The following UBE2K variants were observed in gnomAD, a reference collection of about 807,000 sequenced individuals.
UBE2K encodes the protein ubiquitin-conjugating enzyme E2 K.
UBE2K carries 6 observed loss-of-function variants against 30.0 expected under a neutral mutation model. That is an observed-to-expected ratio of 0.20 (90% CI 0.11 to 0.39). The LOEUF (loss-of-function observed/expected upper bound fraction) is 0.39, where lower values mean the gene tolerates loss of function less well. Ranked by LOEUF, UBE2K falls within the 10% of genes least tolerant of loss-of-function variation. The pLI is 1.00. For missense variants in UBE2K, 61 were observed against 241.6 expected, an observed-to-expected ratio of 0.25 and a Z score of 4.96; for synonymous variants, 86 against 83.7, an observed-to-expected ratio of 1.03 and a Z score of -0.15.
At chr4:39,722,889 A>T (rs1719506805) in intron 1 of UBE2K, among the ~76,000 whole-genome samples, 1 of 149,088 alleles carries the variant, frequency 6.7e-6, no homozygotes, top group Admixed American at 6.8e-5. Flanking sequence ...TTCGCCTCCC[A>T]GGTTCAAGTG....
chr4:39,724,062 C>T (rs1374512131), intron 1 of UBE2K, among the ~76,000 whole-genome samples: 2 of 152,062 alleles, frequency 1.3e-5, no homozygotes, highest in Non-Finnish European at 2.9e-5. Flanking sequence ...ATCCACCCGC[C>T]TCAGCCTCCC....
intron 4 of UBE2K, among the ~76,000 whole-genome samples, chr4:39,771,716 G>T (rs1712880610): frequency 6.6e-6 from 1 of 152,166 alleles, no homozygotes; most frequent in South Asian, 2.1e-4. Flanking sequence ...TGGAGTTTCT[G>T]ATTCAGTAGC....
chr4:39,709,597 A>G (rs1013547690), intron 1 of UBE2K, among the ~76,000 whole-genome samples: 1 of 152,074 alleles, frequency 6.6e-6, no homozygotes, highest in Non-Finnish European at 1.5e-5. Flanking sequence ...TATGATATGT[A>G]TGTACGTATA....
intron 1 of UBE2K, among the ~76,000 whole-genome samples, chr4:39,728,818 G>GTTTTTTTTTTTT (rs150967559): frequency 7.7e-6 from 1 of 129,906 alleles, no homozygotes; most frequent in Admixed American, 7.7e-5. Context: ...GGTTTTTTTT[G>GTTTTTTTTTTTT]TTTTTTTTGT....
chr4:39,743,245 A>G (rs1013187088), intron 2 of UBE2K, among the ~76,000 whole-genome samples: 2 of 152,154 alleles, frequency 1.3e-5, no homozygotes, highest in Non-Finnish European at 2.9e-5. Flanking sequence ...AGAATTTTGA[A>G]GATAATGTTC....
Position 39,755,704 on chromosome 4 carries a change from A to G in UBE2K, c.264A>G (p.Thr88=). 5 of 1,596,806 alleles carry G rather than the reference A, an allele frequency of 3.1e-6. No individual in the cohort carries two copies. Among genetic ancestry groups the G allele is most frequent in the South Asian group, 2.3e-5 (2 of 86,676 alleles). Residue 88 remains threonine, a synonymous_variant, in exon 4 of 7, where the codon ACA becomes ACG. Coordinates refer to ENST00000261427, the MANE Select transcript of UBE2K (RefSeq NM_005339.5). ...GGCATCCTAATATTAGTTCCGTCAC[A>G]GGGGCTATTTGTTTGGATATCCTGA... is the stretch of plus-strand genomic sequence containing the variant. ...KIWHPNISSV[T]GAICLDILKD...
intron 4 of UBE2K, among the ~76,000 whole-genome samples, chr4:39,763,109 A>G (rs1393351305): frequency 1.3e-5 from 2 of 150,516 alleles, no homozygotes; most frequent in African/African-American, 4.9e-5. Context: ...TGCCCAGCTA[A>G]TATTTGTGTT....
chr4:39,707,616 G>C (rs1215953497), intron 1 of UBE2K, among the ~76,000 whole-genome samples: 1 of 151,388 alleles, frequency 6.6e-6, no homozygotes, highest in East Asian at 1.9e-4. Context: ...TGACCTCCTG[G>C]GTTCTAGCAG....
At chr4:39,771,054 C>G in intron 4 of UBE2K, 1 of 1,612,408 alleles carries the variant, frequency 6.2e-7, no homozygotes, top group East Asian at 2.2e-5. Flanking sequence ...CTATTTTGGG[C>G]TCAGTGAACT....
In UBE2K at chr4:39,778,820, T is replaced by G. The variant is rs1311994090; in HGVS notation, c.*386T>G. The stretch of plus-strand genomic sequence containing the variant: ...TCAGGGCCATTCAAATTGTTGGTGT[T>G]GCATCACAGCTACCTTAACTGTTTT... On this transcript the variant is annotated 3_prime_UTR_variant, in exon 7 of 7. Transcript: ENST00000261427. The G allele has an allele frequency of 1.3e-5, 2 of 156,990 alleles. No individual in the cohort carries two copies. The highest frequency in any genetic ancestry group is 1.3e-4 in the Admixed American group (2 of 15,754). The allele number at this position is 156,990 out of a possible 1,614,324, so 9.7% of individuals were successfully genotyped here.
intron 4 of UBE2K, among the ~76,000 whole-genome samples, chr4:39,762,977 C>T (rs1712063358): frequency 7.5e-6 from 1 of 133,518 alleles, no homozygotes; most frequent in Non-Finnish European, 1.6e-5. Context: ...GACTGTCGCC[C>T]AAGCTGGAGT....
chr4:39,725,311 C>G (rs1351921732), intron 1 of UBE2K, among the ~76,000 whole-genome samples: 2 of 132,550 alleles, frequency 1.5e-5, no homozygotes, highest in Admixed American at 9.2e-5. Flanking sequence ...ACCCGGGAGG[C>G]AGTTTGCAGT....
At chr4:39,747,385 A>G (rs1345391954) in intron 3 of UBE2K, among the ~76,000 whole-genome samples, 1 of 152,076 alleles carries the variant, frequency 6.6e-6, no homozygotes, top group Non-Finnish European at 1.5e-5. Context: ...TCTGGTAACC[A>G]CTGTTTCTGT....
At chr4:39,708,432 G>A (rs183097509) in intron 1 of UBE2K, among the ~76,000 whole-genome samples, 70 of 152,022 alleles carry the variant, frequency 4.6e-4, no homozygotes, top group Admixed American at 1.2e-3. Flanking sequence ...AAATGTGTAC[G>A]TAATAAAGTG....
At chr4:39,706,723 A>G (rs568617359) in intron 1 of UBE2K, among the ~76,000 whole-genome samples, 2 of 151,824 alleles carry the variant, frequency 1.3e-5, no homozygotes, top group South Asian at 2.1e-4. Context: ...GTGAGCCACA[A>G]TGCCCAGCCA....
intron 3 of UBE2K, among the ~76,000 whole-genome samples, chr4:39,752,833 G>C (rs1721339475): frequency 6.6e-6 from 1 of 151,820 alleles, no homozygotes; most frequent in South Asian, 2.1e-4. Flanking sequence ...GGAGCATTTT[G>C]GATTTCAGAT....
chr4:39,748,894 T>C (rs1009155844), intron 3 of UBE2K, among the ~76,000 whole-genome samples: 19 of 152,222 alleles, frequency 1.2e-4, no homozygotes, highest in Admixed American at 5.9e-4. Flanking sequence ...TAAATGTTAA[T>C]GAACATGATA....
intron 4 of UBE2K, among the ~76,000 whole-genome samples, chr4:39,772,318 C>T (rs1304107824): frequency 6.8e-6 from 1 of 147,280 alleles, no homozygotes; most frequent in Non-Finnish European, 1.5e-5. Context: ...CCATCACTTT[C>T]GGGGGCTGAG....
chr4:39,765,571 G>T (rs2109393691), intron 4 of UBE2K, among the ~76,000 whole-genome samples: 1 of 152,294 alleles, frequency 6.6e-6, no homozygotes, highest in Non-Finnish European at 1.5e-5. Flanking sequence ...TATAATCCCA[G>T]CACTTTGGGA....
Sources: gnomAD v4.1 joint callset for allele counts (sites outside exome capture counted in the v4.1 genomes callset) on GRCh38, gnomAD v4.1.1 for gene constraint, MANE v1.5 for transcripts, NCBI Gene and HGNC (gene_info 2026-07-23, HGNC 2026-07-21) for gene names.